PLXDC2: variants seen among roughly 807,000 people sequenced by gnomAD.
PLXDC2 encodes plexin domain containing 2.
In PLXDC2, 40 loss-of-function variants were observed where a neutral mutation model predicts 68.9. The observed-to-expected ratio is 0.58, with a 90% confidence interval of 0.45 to 0.76. The LOEUF (loss-of-function observed/expected upper bound fraction) is 0.76. Among genes scored for constraint, PLXDC2 ranks in the 30% least tolerant of loss-of-function variants. The pLI is 0.00. For synonymous variants in PLXDC2, 243 were observed against 234.2 expected (o/e 1.04, Z -0.34); for missense variants, 644 against 661.9 (o/e 0.97, Z 0.30).
chr10:20,001,924 G>C lies in PLXDC2; in HGVS notation c.262G>C (p.Glu88Gln), dbSNP rs559574994. The stretch of plus-strand genomic sequence containing the variant: ...AGCAAGCGTCGGCCAAGACTCTCCT[G>C]AGCCCAGAAGCTTCACAGACCTGCT... ...NRASVGQDSPEPRSFTDLLLD... is the reference protein window; with the variant it reads ...NRASVGQDSPQPRSFTDLLLD... The change falls in exon 2 of 14, where the codon GAG (glutamate) becomes CAG (glutamine). Residue 88 changes from glutamate to glutamine, a missense_variant. Coordinates refer to ENST00000377252, the MANE Select transcript of PLXDC2 (RefSeq NM_032812.9). 6.2e-7 allele frequency: 1 copy of C among 1,613,328 alleles called. No homozygotes were observed. Among genetic ancestry groups the C allele is most frequent in the South Asian group, 1.1e-5 (1 of 91,052 alleles).
At chr10:20,211,756 C>A in intron 10 of PLXDC2, 27 bp downstream of exon 10, 1 of 1,604,766 alleles carries the variant, frequency 6.2e-7, no homozygotes, top group Non-Finnish European at 8.5e-7. Flanking sequence ...GTGACAGAAT[C>A]CTGGGACCAA....
intron 1 of PLXDC2, among the ~76,000 whole-genome samples, chr10:19,924,869 A>G (rs1833513167): frequency 6.6e-6 from 1 of 151,626 alleles, no homozygotes; most frequent in Non-Finnish European, 1.5e-5. Context: ...AATGTACTTC[A>G]CTCCCCAGAT....
At chr10:20,069,274 T>C (rs1021533685) in intron 4 of PLXDC2, among the ~76,000 whole-genome samples, 1 of 152,134 alleles carries the variant, frequency 6.6e-6, no homozygotes, top group Admixed American at 6.5e-5. Flanking sequence ...CTCTGAGTGA[T>C]GGTAAATAAG....
At chr10:20,241,661 C>G (rs1835517795) in intron 12 of PLXDC2, among the ~76,000 whole-genome samples, 1 of 152,162 alleles carries the variant, frequency 6.6e-6, no homozygotes, top group African/African-American at 2.4e-5. Flanking sequence ...TGCCTGTAGC[C>G]TCAGCTACTT....
rs73601648 is a variant in PLXDC2, at chr10:19,912,999, C to T, written c.113-88776C>T. Among the ~76,000 whole-genome samples the T allele has an allele frequency of 6.1e-3, 930 of 152,232 alleles. 9 individuals are homozygous for T. The highest frequency in any genetic ancestry group is 0.021 in the African/African-American group (880 of 41,550). ...AAGACTGTTTTCTTAAGCTTTGACT[C>T]GAGAGCATGACTTTAGTAGGTTCTA... On this transcript the variant is annotated intron_variant, in intron 1 of 13. Coordinates refer to ENST00000377252, the MANE Select transcript of PLXDC2 (RefSeq NM_032812.9).
At chr10:20,056,913 T>C (rs147023169) in intron 3 of PLXDC2, among the ~76,000 whole-genome samples, 1 of 152,262 alleles carries the variant, frequency 6.6e-6, no homozygotes, top group African/African-American at 2.4e-5. Flanking sequence ...ACATTTTAGG[T>C]TTCTGATAAA....
At chr10:20,064,365 C>A (rs149433791) in intron 3 of PLXDC2, among the ~76,000 whole-genome samples, 1 of 151,788 alleles carries the variant, frequency 6.6e-6, no homozygotes, top group Non-Finnish European at 1.5e-5. Context: ...GGACTACAGG[C>A]GCCCACCACC....
intron 1 of PLXDC2, among the ~76,000 whole-genome samples, chr10:19,977,850 G>C (rs866457478): frequency 7.2e-5 from 11 of 152,056 alleles, no homozygotes; most frequent in African/African-American, 2.2e-4. Flanking sequence ...CCTCCCAAAG[G>C]CCACACCTCC....
chr10:20,151,338 T>C (rs1834150543), intron 6 of PLXDC2, among the ~76,000 whole-genome samples: 1 of 152,196 alleles, frequency 6.6e-6, no homozygotes, highest in African/African-American at 2.4e-5. Context: ...AATTCCTCAA[T>C]AGTTTCCTAC....
chr10:19,988,314 G>A (rs1477275128), intron 1 of PLXDC2, among the ~76,000 whole-genome samples: 6 of 152,120 alleles, frequency 3.9e-5, no homozygotes, highest in Admixed American at 2.6e-4. Flanking sequence ...TGGGTTAACT[G>A]ACAACTTCCT....
At chr10:20,018,774 T>G (rs897620903) in intron 2 of PLXDC2, among the ~76,000 whole-genome samples, 9 of 152,184 alleles carry the variant, frequency 5.9e-5, no homozygotes, top group African/African-American at 2.2e-4. Context: ...CAACATGATT[T>G]GAAACATTGG....
intron 1 of PLXDC2, among the ~76,000 whole-genome samples, chr10:19,907,103 A>AT (rs1310457000): frequency 2.0e-5 from 3 of 151,960 alleles, no homozygotes; most frequent in African/African-American, 4.8e-5. Context: ...CATGGTAATC[A>AT]TTTTTTTCCA....
intron 4 of PLXDC2, among the ~76,000 whole-genome samples, chr10:20,117,084 T>C (rs571860178): frequency 3.6e-4 from 55 of 151,164 alleles, no homozygotes; most frequent in African/African-American, 9.9e-4. Context: ...TTGAGCGAGA[T>C]TGTAGAATAT....
chr10:20,083,247 G>A (rs1197860476), intron 4 of PLXDC2, among the ~76,000 whole-genome samples: 2 of 151,674 alleles, frequency 1.3e-5, no homozygotes, highest in Non-Finnish European at 1.5e-5. Flanking sequence ...AGGCCAAGGC[G>A]GGTGGATCAC....
intron 12 of PLXDC2, among the ~76,000 whole-genome samples, chr10:20,236,240 G>A (rs1229934294): frequency 6.6e-6 from 1 of 151,892 alleles, no homozygotes; most frequent in Non-Finnish European, 1.5e-5. Context: ...TCAAGAGTTC[G>A]AGACCAGCCT....
At position 20,284,330 on chromosome 10, in the gene PLXDC2, T is replaced by TATATATATATATATATATACACAC. The variant is rs1484131963; in HGVS notation, c.*4512_*4513insTATATATATATATATATACACACA. On this transcript the variant is annotated 3_prime_UTR_variant, in exon 14 of 14. Coordinates refer to ENST00000377252, the MANE Select transcript of PLXDC2 (RefSeq NM_032812.9). ...AAATATACATATATATATATATATA[T>TATATATATATATATATATACACAC]ACACACACACACACACACACACAAA... The TATATATATATATATATATACACAC allele has an allele frequency of 1.0e-4, 13 of 126,336 alleles. No homozygotes were observed. The highest frequency in any genetic ancestry group is 2.6e-4 in the African/African-American group (9 of 34,314). 7.8% of individuals were successfully genotyped at this position (126,336 alleles called of 1,614,324 possible).
At chr10:19,932,765 C>T (rs1224497357) in intron 1 of PLXDC2, among the ~76,000 whole-genome samples, 1 of 152,094 alleles carries the variant, frequency 6.6e-6, no homozygotes, top group Non-Finnish European at 1.5e-5. Flanking sequence ...AAACCACATT[C>T]TTTCTGAGCA....
chr10:20,116,890 AT>A (rs1442173028), intron 4 of PLXDC2, among the ~76,000 whole-genome samples: 3 of 152,204 alleles, frequency 2.0e-5, no homozygotes, highest in Non-Finnish European at 2.9e-5. Context: ...GTTATTTATC[AT>A]TTAGGTATCT....
At chr10:20,222,938 G>A (rs1240130120) in intron 12 of PLXDC2, among the ~76,000 whole-genome samples, 2 of 152,160 alleles carry the variant, frequency 1.3e-5, no homozygotes, top group African/African-American at 4.8e-5. Flanking sequence ...TAATACGTAG[G>A]TATAATCAGA....
Sources: allele counts gnomAD v4.1 joint callset (sites outside exome capture counted in the v4.1 genomes callset), GRCh38; gene constraint gnomAD v4.1.1; transcripts MANE v1.5; gene names NCBI Gene and HGNC (gene_info 2026-07-23, HGNC 2026-07-21).